The following TMPRSS11E variants were observed in gnomAD, a reference collection of about 807,000 sequenced individuals.
TMPRSS11E encodes the protein transmembrane protease serine 11E.
TMPRSS11E carries 38 observed loss-of-function variants against 48.1 expected under a neutral mutation model. The ratio of observed to expected loss-of-function variants is 0.79; its 90% CI spans 0.61 to 1.04. The LOEUF is 1.04. TMPRSS11E is among the 50% of genes least tolerant of loss of function. The pLI is 0.00. For synonymous variants in TMPRSS11E, 158 were observed against 171.9 expected (o/e 0.92, Z 0.63); for missense variants, 530 against 510.8 (o/e 1.04, Z -0.36).
At chr4:68,490,349 T>G (rs1729681456) in intron 9 of TMPRSS11E, among the ~76,000 whole-genome samples, 1 of 148,968 alleles carries the variant, frequency 6.7e-6, no homozygotes, top group African/African-American at 2.4e-5. Flanking sequence ...AATGAAATAA[T>G]AATAATTTGA....
chr4:68,453,625 C>T (rs1284921845), intron 1 of TMPRSS11E, among the ~76,000 whole-genome samples: 1 of 151,894 alleles, frequency 6.6e-6, no homozygotes, highest in East Asian at 1.9e-4. Flanking sequence ...GTCTTCATGT[C>T]CTCTTTTCCC....
chr4:68,472,527 A>G (rs1729103044), intron 5 of TMPRSS11E, among the ~76,000 whole-genome samples: 1 of 152,012 alleles, frequency 6.6e-6, no homozygotes, highest in Non-Finnish European at 1.5e-5. Context: ...CCACACTGCA[A>G]AAGCTCATTG....
At chr4:68,469,797 A>T (rs936770313) in intron 4 of TMPRSS11E, among the ~76,000 whole-genome samples, 2 of 151,978 alleles carry the variant, frequency 1.3e-5, no homozygotes, top group African/African-American at 4.8e-5. Flanking sequence ...ACACATCCCC[A>T]TGTGGAAGTT....
intron 6 of TMPRSS11E, among the ~76,000 whole-genome samples, chr4:68,475,718 C>T (rs558726389): frequency 6.6e-6 from 1 of 152,150 alleles, no homozygotes; most frequent in African/African-American, 2.4e-5. Context: ...GCTATCATGC[C>T]CCACTGTGGC....
chr4:68,491,684 T>A (rs927493780), intron 9 of TMPRSS11E, among the ~76,000 whole-genome samples: 6 of 152,218 alleles, frequency 3.9e-5, no homozygotes, highest in South Asian at 2.1e-4. Context: ...CTAAATGCTT[T>A]CATAATTTTC....
intron 9 of TMPRSS11E, among the ~76,000 whole-genome samples, chr4:68,491,003 C>G (rs1187053226): frequency 1.3e-5 from 2 of 151,940 alleles, no homozygotes; most frequent in South Asian, 4.2e-4. Context: ...AGGTCATCCA[C>G]CTGCTTCAGC....
chr4:68,480,799 G>T (rs147567217), intron 9 of TMPRSS11E, among the ~76,000 whole-genome samples: 6 of 151,656 alleles, frequency 4.0e-5, no homozygotes, highest in Non-Finnish European at 8.8e-5. Flanking sequence ...TAATTACTTT[G>T]CTTCTTCCAA....
Position 68,496,716 on chromosome 4 carries a change from G to A in TMPRSS11E, c.1184G>A (p.Gly395Glu). The A allele has an allele frequency of 1.2e-6, 2 of 1,613,752 alleles. No individual in the cohort carries two copies. Among genetic ancestry groups the A allele is most frequent in the Non-Finnish European group, 1.7e-6 (2 of 1,179,710 alleles). The change falls in exon 10 of 10, where the codon GGA (glycine) becomes GAA (glutamate). Residue 395 changes from glycine (G) to glutamate (E), a missense_variant. By Grantham distance (98) the Gly-to-Glu change is moderately conservative. Coordinates refer to ENST00000305363, the MANE Select transcript of TMPRSS11E (RefSeq NM_014058.4). ...TACCTTGCTGGAATAGTGAGCTGGG[G>A]AGATGAATGTGCGAAACCCAACAAG... ...IWYLAGIVSW[G>E]DECAKPNKPG... is the part of the protein sequence containing the mutation.
intron 3 of TMPRSS11E, among the ~76,000 whole-genome samples, chr4:68,467,237 T>G (rs1728952549): frequency 6.6e-6 from 1 of 152,080 alleles, no homozygotes; most frequent in African/African-American, 2.4e-5. Context: ...CTCTACCCAG[T>G]TTTTAAAAAT....
intron 1 of TMPRSS11E, among the ~76,000 whole-genome samples, chr4:68,452,874 A>G (rs1010567993): frequency 6.6e-6 from 1 of 151,998 alleles, no homozygotes; most frequent in African/African-American, 2.4e-5. Flanking sequence ...AAACAGGGTA[A>G]TGAATTCTTG....
chr4:68,467,932 G>T (rs1267971965), intron 3 of TMPRSS11E, among the ~76,000 whole-genome samples: 2 of 152,054 alleles, frequency 1.3e-5, no homozygotes, highest in Non-Finnish European at 2.9e-5. Context: ...AATCCAGACA[G>T]ATTTAAATCT....
chr4:68,461,850 T>C lies in TMPRSS11E; in HGVS notation c.41T>C (p.Val14Ala), dbSNP rs1361833987. 1 of 1,614,034 alleles carries C rather than the reference T, an allele frequency of 6.2e-7. No homozygotes were observed. Among genetic ancestry groups the C allele is most frequent in the Non-Finnish European group, 8.5e-7 (1 of 1,180,024 alleles). ...GATGTGGTGAGGGCTAGGAAAAGAG[T>C]TTGTTGGGAACCCTGGGTTATCGGC... The part of the protein sequence containing the change: ...RPDVVRARKR[V>A]CWEPWVIGLV... Residue 14 changes from valine (V) to alanine (A), a missense_variant, in exon 2 of 10, where the codon GTT (valine) becomes GCT (alanine). Coordinates refer to ENST00000305363, the MANE Select transcript of TMPRSS11E (RefSeq NM_014058.4).
intron 4 of TMPRSS11E, among the ~76,000 whole-genome samples, chr4:68,469,664 T>C (rs1046920090): frequency 1.3e-5 from 2 of 151,942 alleles, no homozygotes; most frequent in Non-Finnish European, 2.9e-5. Context: ...CTGCAACTAC[T>C]TCTCTTATCT....
rs368055976 is a variant in TMPRSS11E, at chr4:68,458,625, T to C, written c.12-3196T>C. Among the ~76,000 whole-genome samples the C allele has an allele frequency of 2.2e-4, 33 of 152,334 alleles. 1 individual carries two copies. The South Asian group carries it at 4.4e-3, about 20-fold the overall frequency. ...GTAAAATAAATTTATTCCTTCACTTTACTACTTTCTTTGAGCATACTTTTT... is the reference window on the plus strand; with the variant it reads ...GTAAAATAAATTTATTCCTTCACTTCACTACTTTCTTTGAGCATACTTTTT... On this transcript the variant is annotated intron_variant, in intron 1 of 9. Coordinates refer to ENST00000305363, the MANE Select transcript of TMPRSS11E (RefSeq NM_014058.4).
At chr4:68,482,167 T>TAGAGTGGCAGG (rs200589126) in intron 9 of TMPRSS11E, among the ~76,000 whole-genome samples, 1 of 151,316 alleles carries the variant, frequency 6.6e-6, no homozygotes, top group Non-Finnish European at 1.5e-5. Flanking sequence ...GCAAGAGGGA[T>TAGAGTGGCAGG]AGAGGTGCCA....
chr4:68,481,898 C>T (rs1729411739), intron 9 of TMPRSS11E, among the ~76,000 whole-genome samples: 1 of 152,098 alleles, frequency 6.6e-6, no homozygotes, highest in Non-Finnish European at 1.5e-5. Flanking sequence ...TGCACTGCAC[C>T]CACTGCACTC....
Position 68,496,833 on chromosome 4 carries a change from AT to A in TMPRSS11E, c.*38del, listed in dbSNP as rs370331993. 481 of 1,520,470 alleles carry A rather than the reference AT, an allele frequency of 3.2e-4. No homozygotes were observed. Among genetic ancestry groups the A allele is most frequent in the South Asian group, 7.4e-4 (60 of 81,176 alleles). The allele number at this position is 1,520,470 out of a possible 1,614,324, so 94.2% of individuals were successfully genotyped here. ...AGAAAAGCCTCATGGAACAGATAAC[AT>A]TTTTTTTTGTTTTTTGGGTGTGGAG... On this transcript the variant is annotated 3_prime_UTR_variant, in exon 10 of 10. Transcript: ENST00000305363.
Position 68,477,393 on chromosome 4 carries a change from T to C in TMPRSS11E, c.732T>C (p.Thr244=). The part of the protein sequence containing the change: ...FTTYKNPARW[T]ASFGVTIKPS... ...GATATAAGAACCCTGCCAGATGGAC[T>C]GCTTCCTTTGGAGTAACAATAAAAC... Residue 244 remains threonine (T), a synonymous_variant, in exon 8 of 10, where the codon ACT becomes ACC. Coordinates refer to ENST00000305363, the MANE Select transcript of TMPRSS11E (RefSeq NM_014058.4). 1 of 1,613,972 alleles carries C rather than the reference T, an allele frequency of 6.2e-7. No individual in the cohort carries two copies. Among genetic ancestry groups the C allele is most frequent in the Non-Finnish European group, 8.5e-7 (1 of 1,179,916 alleles).
chr4:68,496,745 G>A lies in TMPRSS11E; in HGVS notation c.1213G>A (p.Gly405Ser). The change falls in exon 10 of 10, where the codon GGT becomes AGT. Residue 405 changes from glycine to serine, a missense_variant. Gly to Ser is a moderately conservative substitution (Grantham distance 56, BLOSUM62 0). Coordinates refer to ENST00000305363, the MANE Select transcript of TMPRSS11E (RefSeq NM_014058.4). ...TGAATGTGCGAAACCCAACAAGCCT[G>A]GTGTTTATACTAGAGTTACGGCCTT... ...GDECAKPNKPGVYTRVTALRD... is the reference protein window; with the variant it reads ...GDECAKPNKPSVYTRVTALRD... The A allele has an allele frequency of 6.2e-7, 1 of 1,613,656 alleles. No homozygotes were observed. Among genetic ancestry groups the A allele is most frequent in the South Asian group, 1.1e-5 (1 of 91,052 alleles).
Sources: allele counts gnomAD v4.1 joint callset (sites outside exome capture counted in the v4.1 genomes callset), GRCh38; gene constraint gnomAD v4.1.1; transcripts MANE v1.5; gene names NCBI Gene and HGNC (gene_info 2026-07-23, HGNC 2026-07-21).